Variants in CFAP92 observed in about 807,000 individuals in gnomAD.
The protein encoded by CFAP92 is uncharacterized protein CFAP92.
Under a neutral mutation model 106.3 loss-of-function variants are expected in CFAP92, and 86 were observed. The ratio of observed to expected loss-of-function variants is 0.81; its 90% CI spans 0.68 to 0.97. CFAP92 has a LOEUF of 0.97. Ranked by LOEUF, CFAP92 falls within the 50% of genes least tolerant of loss-of-function variation. CFAP92 has a pLI of 0.00. For synonymous variants in CFAP92, 477 were observed against 506.4 expected (o/e 0.94, Z 0.78); for missense variants, 1,204 against 1,283.8 (o/e 0.94, Z 0.95).
chr3:128,945,196 G>A lies in CFAP92; in HGVS notation c.2133C>T (p.Val711=), dbSNP rs1238966705. 6.5e-7 allele frequency: 1 copy of A among 1,536,142 alleles called. No individual in the cohort carries two copies. The highest frequency in any genetic ancestry group is 1.2e-5 in the South Asian group (1 of 84,046). ...GCACATCCAGGTGCTGCTGCTCCTGGACCCGCACACGCACCTTGAAGGCTG... is the reference window on the plus strand; with the variant it reads ...GCACATCCAGGTGCTGCTGCTCCTGAACCCGCACACGCACCTTGAAGGCTG... ...ILSAFKVRVR[V]QEQQHLDVLT... is the part of the protein sequence containing the mutation. Residue 711 remains valine (V), a synonymous_variant, in exon 10 of 16, where the codon GTC becomes GTT. Transcript: ENST00000645291.
At chr3:128,927,504 G>A (rs1460471292) in intron 12 of CFAP92, among the ~76,000 whole-genome samples, 6 of 151,314 alleles carry the variant, frequency 4.0e-5, no homozygotes, top group East Asian at 2.0e-4. Flanking sequence ...GTGGATCAAC[G>A]AGGTCAGGAG....
At chr3:128,914,299 C>T (rs1488130738) in intron 15 of CFAP92, among the ~76,000 whole-genome samples, 1 of 152,158 alleles carries the variant, frequency 6.6e-6, no homozygotes, top group East Asian at 1.9e-4. Flanking sequence ...CTGGGACATG[C>T]CCACAGAGAG....
chr3:128,977,276 C>T (rs980309706), intron 5 of CFAP92, among the ~76,000 whole-genome samples: 1 of 152,036 alleles, frequency 6.6e-6, no homozygotes, highest in East Asian at 1.9e-4. Flanking sequence ...AGGAGACCTC[C>T]AGTTCCTTAC....
At chr3:128,969,633 C>G (rs1559912147) in intron 8 of CFAP92, 1 of 151,802 alleles carries the variant, frequency 6.6e-6, no homozygotes, top group Non-Finnish European at 1.5e-5. Context: ...AACAGTCATG[C>G]CAGGCAGGCC....
At chr3:128,913,337 T>C (rs985401696) in intron 15 of CFAP92, among the ~76,000 whole-genome samples, 1 of 152,204 alleles carries the variant, frequency 6.6e-6, no homozygotes, top group African/African-American at 2.4e-5. Context: ...GGAGGCTGTC[T>C]CAGCTGATGA....
chr3:128,979,100 TACAAGA>T lies in CFAP92; in HGVS notation c.668-921_668-916del, dbSNP rs907293277. On this transcript the variant is annotated intron_variant, in intron 4 of 15. Coordinates refer to ENST00000645291, the MANE Select transcript of CFAP92 (RefSeq NM_001394090.1). The stretch of plus-strand genomic sequence containing the variant: ...AATCTACAAAGAACTCAAACAAATT[TACAAGA>T]AAAAAACAACCCCATCAACAAGTGG... Among the ~76,000 whole-genome samples the T allele has an allele frequency of 2.9e-3, 440 of 152,044 alleles. 1 individual carries two copies. Among genetic ancestry groups the T allele is most frequent in the Non-Finnish European group, 4.5e-3 (305 of 67,982 alleles).
the CFAP92 span, among the ~76,000 whole-genome samples, chr3:129,026,717 G>A: frequency 1.3e-5 from 2 of 152,250 alleles, no homozygotes; most frequent in South Asian, 4.1e-4. Flanking sequence ...CCAGGCTGTA[G>A]TCTGGAGCCT....
chr3:128,957,004 A>T (rs1000828305), intron 9 of CFAP92, among the ~76,000 whole-genome samples: 2 of 151,222 alleles, frequency 1.3e-5, no homozygotes, highest in African/African-American at 4.9e-5. Flanking sequence ...AAAAGAAATC[A>T]ACCCCATTCT....
At chr3:128,939,594 C>T (rs1382156176) in intron 10 of CFAP92, among the ~76,000 whole-genome samples, 1 of 152,148 alleles carries the variant, frequency 6.6e-6, no homozygotes, top group Non-Finnish European at 1.5e-5. Context: ...CCACACCCCT[C>T]AGCTATCGCT....
intron 3 of CFAP92, among the ~76,000 whole-genome samples, chr3:128,988,503 C>A (rs1397293918): frequency 6.6e-6 from 1 of 151,732 alleles, no homozygotes; most frequent in African/African-American, 2.4e-5. Context: ...TTGCACCACT[C>A]TACTCCAGCC....
the CFAP92 span, among the ~76,000 whole-genome samples, chr3:129,015,217 G>A: frequency 6.6e-6 from 1 of 151,960 alleles, no homozygotes; most frequent in Admixed American, 6.6e-5. Context: ...CCCCTTCTCA[G>A]GCCCTTTGGG....
At chr3:128,976,014 T>G in intron 6 of CFAP92, 111 bp from the exon 7 acceptor site, 1 of 1,060,354 alleles carries the variant, frequency 9.4e-7, no homozygotes, top group Admixed American at 3.0e-5. Flanking sequence ...AAAAACCTCA[T>G]AGTGCATTCC....
intron 12 of CFAP92, among the ~76,000 whole-genome samples, chr3:128,922,409 A>T (rs1044512633): frequency 6.6e-6 from 1 of 152,194 alleles, no homozygotes; most frequent in Non-Finnish European, 1.5e-5. Flanking sequence ...CAGGAGAAAG[A>T]ATTGCTTAGT....
chr3:128,936,655 T>TACTC (rs1939054880), intron 10 of CFAP92, among the ~76,000 whole-genome samples: 1 of 152,170 alleles, frequency 6.6e-6, no homozygotes, highest in Non-Finnish European at 1.5e-5. Flanking sequence ...AGACTACTTT[T>TACTC]ACTCACTGGC....
intron 10 of CFAP92, among the ~76,000 whole-genome samples, chr3:128,935,568 C>T (rs528165280): frequency 6.6e-5 from 10 of 152,112 alleles, no homozygotes; most frequent in African/African-American, 2.2e-4. Flanking sequence ...CAAAATTAGC[C>T]GGGCGTGGTG....
At chr3:129,002,491 T>A in intron 1 of CFAP92, 1 of 1,301,550 alleles carries the variant, frequency 7.7e-7, no homozygotes, top group Non-Finnish European at 9.9e-7. Flanking sequence ...CCCCTGTTCC[T>A]CCCCATTCCA....
chr3:128,989,031 T>C (rs1944042960), intron 2 of CFAP92, 113 bp from the exon 3 acceptor site: 6 of 786,948 alleles, frequency 7.6e-6, no homozygotes, highest in South Asian at 1.8e-5. Context: ...CCACATTGCC[T>C]GCCCGACTTG....
At chr3:128,950,694 T>C (rs921166547) in intron 9 of CFAP92, among the ~76,000 whole-genome samples, 1 of 152,270 alleles carries the variant, frequency 6.6e-6, no homozygotes, top group African/African-American at 2.4e-5. Context: ...CAGGGGGTGC[T>C]CAACTCCTCC....
chr3:128,914,577 T>A (rs1228750410), intron 15 of CFAP92: 1 of 152,566 alleles, frequency 6.6e-6, no homozygotes, highest in Non-Finnish European at 1.5e-5. Flanking sequence ...GTTAACCAAG[T>A]TTGGGTTCTA....
Sources: gnomAD v4.1 joint callset for allele counts (sites outside exome capture counted in the v4.1 genomes callset) on GRCh38, gnomAD v4.1.1 for gene constraint, MANE v1.5 for transcripts, NCBI Gene and HGNC (gene_info 2026-07-23, HGNC 2026-07-21) for gene names.